The following SEPTIN9 variants were observed in gnomAD, a reference collection of about 807,000 sequenced individuals.
SEPTIN9 encodes the protein septin-9.
A neutral mutation model predicts 56.6 loss-of-function variants in SEPTIN9; 13 were observed. The ratio of observed to expected loss-of-function variants is 0.23; its 90% confidence interval spans 0.15 to 0.37. SEPTIN9 has a LOEUF of 0.37. SEPTIN9 is among the 10% of genes least tolerant of loss of function. SEPTIN9 has a pLI of 1.00. For synonymous variants in SEPTIN9, 332 were observed against 334.1 expected (o/e 0.99, Z 0.07); for missense variants, 650 against 823.1 (o/e 0.79, Z 2.57).
intron 3 of SEPTIN9, among the ~76,000 whole-genome samples, chr17:77,460,625 C>T (rs1013241086): frequency 2.0e-5 from 3 of 152,118 alleles, no homozygotes; most frequent in East Asian, 1.9e-4. Context: ...CCCAGGAAAC[C>T]GCGGGGGCCA....
intron 2 of SEPTIN9, among the ~76,000 whole-genome samples, chr17:77,331,430 T>C (rs2033350484): frequency 6.6e-6 from 1 of 151,122 alleles, no homozygotes; most frequent in Non-Finnish European, 1.5e-5. Context: ...GGACTGGATG[T>C]TGAGGTGTGG....
Position 77,498,526 on chromosome 17 carries a change from G to A in SEPTIN9, c.1629G>A (p.Thr543=), listed in dbSNP as rs373382274. ...CGCCCGCCCCCCACCCCCACAGGAC[G>A]CACATGCAGAACATCAAGGACATCA... ...FAYLRDLLIR[T]HMQNIKDITS... is the part of the protein sequence containing the mutation. Residue 543 remains threonine (T), a synonymous_variant, in exon 12 of 12, where the codon ACG becomes ACA. Transcript: ENST00000427177. 23 of 1,442,938 alleles carry A rather than the reference G, an allele frequency of 1.6e-5. No individual in the cohort carries two copies. The African/African-American group carries it at 2.6e-4, about 16-fold the overall frequency. 89.4% of individuals were successfully genotyped at this position (1,442,938 alleles called of 1,614,324 possible). A position where few individuals can be genotyped will look rare whatever the true frequency, so the allele number is the denominator to read the frequency against.
chr17:77,315,737 G>A (rs528749240), intron 2 of SEPTIN9, among the ~76,000 whole-genome samples: 3 of 152,314 alleles, frequency 2.0e-5, no homozygotes, highest in African/African-American at 4.8e-5. Flanking sequence ...CTTCCTTCCC[G>A]CCCTGCCAGG....
chr17:77,361,929 G>A (rs2034432592), intron 2 of SEPTIN9, among the ~76,000 whole-genome samples: 1 of 152,260 alleles, frequency 6.6e-6, no homozygotes, highest in African/African-American at 2.4e-5. Context: ...ACCGCGCCCG[G>A]CCAAGTGGTC....
In SEPTIN9 at chr17:77,456,971, G is replaced by A. The variant is rs1264168575; in HGVS notation, c.722-25173G>A. On this transcript the variant is annotated intron_variant, in intron 3 of 11. Coordinates refer to ENST00000427177, the MANE Select transcript of SEPTIN9 (RefSeq NM_001113491.2). The surrounding 1 kb of genome is among the most constrained non-coding windows in gnomAD (Gnocchi z 6.0). ...AAGGAGGGCACGGTTGACTAAAGCT[G>A]CAGGAGCCAGCCTGGCCATCCTGAG... 6.6e-6 allele frequency among the ~76,000 whole-genome samples: 1 copy of A among 152,242 alleles called. No individual in the cohort carries two copies. Among genetic ancestry groups the A allele is most frequent in the African/African-American group, 2.4e-5 (1 of 41,458 alleles).
chr17:77,444,857 C>T, intron 3 of SEPTIN9: 1 of 304,982 alleles, frequency 3.3e-6, no homozygotes, highest in Non-Finnish European at 6.7e-6. Context: ...GTGGTGTAGA[C>T]CTACTTTGAG....
chr17:77,402,247 T>C lies in SEPTIN9; in HGVS notation c.265T>C (p.Ser89Pro), dbSNP rs768169396. ...CCTAAGCCAACGCTCCCCCAAGGCG[T>C]CCCTGCGGAGGGTGGAGCTCTCGGG... Reference protein sequence around the residue: ...DSLSQRSPKASLRRVELSGPK... With the variant: ...DSLSQRSPKAPLRRVELSGPK... Residue 89 changes from serine to proline, a missense_variant, in exon 3 of 12, where the codon TCC becomes CCC. This residue lies in a region of SEPTIN9 where 317 missense variants were observed against 329.1 expected (regional missense o/e 0.96). Transcript: ENST00000427177. The surrounding 1 kb of genome is among the most constrained non-coding windows in gnomAD (Gnocchi z 6.6). 1 of 1,613,110 alleles carries C rather than the reference T, an allele frequency of 6.2e-7. No homozygotes were observed. The highest frequency in any genetic ancestry group is 1.1e-5 in the South Asian group (1 of 91,076).
Position 77,445,383 on chromosome 17 carries a change from G to C in SEPTIN9, c.722-36761G>C, listed in dbSNP as rs1050889875. On this transcript the variant is annotated intron_variant, in intron 3 of 11. Transcript: ENST00000427177. The surrounding 1 kb of genome is among the most constrained non-coding windows in gnomAD (Gnocchi z 4.7). ...GGAAGCATCTGCTGCATCCCATTGG[G>C]GTGTTGCCCAGGATGGATTGGAAAA... 4.3e-6 allele frequency: 2 copies of C among 466,832 alleles called. No homozygotes were observed. Among genetic ancestry groups the C allele is most frequent in the Non-Finnish European group, 8.8e-6 (2 of 227,038 alleles). 28.9% of individuals were successfully genotyped at this position (466,832 alleles called of 1,614,324 possible).
At chr17:77,311,761 G>A (rs960482553) in intron 2 of SEPTIN9, among the ~76,000 whole-genome samples, 3 of 152,116 alleles carry the variant, frequency 2.0e-5, no homozygotes, top group Non-Finnish European at 2.9e-5. Flanking sequence ...AAAGTGTGTC[G>A]GACGAACAGG....
At chr17:77,454,023 G>A (rs1348133844) in intron 3 of SEPTIN9, 4 of 978,376 alleles carry the variant, frequency 4.1e-6, no homozygotes, top group Non-Finnish European at 4.9e-6. Flanking sequence ...CACCCCGGAT[G>A]TTTAGGGCTT....
rs149812714 is a variant in SEPTIN9, at chr17:77,282,414, G to A, written c.19+860G>A. 3.7e-3 allele frequency among the ~76,000 whole-genome samples: 561 copies of A among 152,004 alleles called. 2 individuals are homozygous for A. Among genetic ancestry groups the A allele is most frequent in the African/African-American group, 0.013 (536 of 41,452 alleles). On this transcript the variant is annotated intron_variant, in intron 1 of 11. Transcript: ENST00000427177. ...CCTCTTCTAAATCTAGAAACCGTTTGTTTAATGTCCCTCCTTTAATTCATT... is the reference window on the plus strand; with the variant it reads ...CCTCTTCTAAATCTAGAAACCGTTTATTTAATGTCCCTCCTTTAATTCATT...
chr17:77,467,769 C>T (rs1023692372), intron 3 of SEPTIN9, among the ~76,000 whole-genome samples: 1 of 152,174 alleles, frequency 6.6e-6, no homozygotes, highest in East Asian at 1.9e-4. Flanking sequence ...GCGGTGTTAC[C>T]GGGGTAGACG....
Position 77,437,986 on chromosome 17 carries a change from C to T in SEPTIN9, c.721+35283C>T, listed in dbSNP as rs763396278. The stretch of plus-strand genomic sequence containing the variant: ...GAAGGCGGCATCATCCGGGCCTCTC[C>T]GGTGGCCATGCATGGGTGAGCAGCC... On this transcript the variant is annotated intron_variant, in intron 3 of 11. Transcript: ENST00000427177. This position sits in a 1 kb window ranked among gnomAD's most constrained non-coding sequence, Gnocchi z 5.3. 1.1e-4 allele frequency among the ~76,000 whole-genome samples: 16 copies of T among 152,190 alleles called. No individual in the cohort carries two copies. Among genetic ancestry groups the T allele is most frequent in the East Asian group, 1.9e-4 (1 of 5,182 alleles).
At chr17:77,470,339 TA>T (rs2038936261) in intron 3 of SEPTIN9, among the ~76,000 whole-genome samples, 1 of 124,802 alleles carries the variant, frequency 8.0e-6, no homozygotes, top group Admixed American at 7.8e-5. Flanking sequence ...TCCTCTCATC[TA>T]TCCATCCACT....
chr17:77,420,574 G>T (rs576054395), intron 3 of SEPTIN9, among the ~76,000 whole-genome samples: 23 of 152,274 alleles, frequency 1.5e-4, no homozygotes, highest in African/African-American at 5.1e-4. Context: ...TCAGTGGGGA[G>T]AGCCTGAGCT....
At chr17:77,346,523 T>C (rs1376009113) in intron 2 of SEPTIN9, among the ~76,000 whole-genome samples, 4 of 152,082 alleles carry the variant, frequency 2.6e-5, no homozygotes, top group Non-Finnish European at 4.4e-5. Context: ...TGATTTCTAA[T>C]TTAATCTTAC....
intron 2 of SEPTIN9, among the ~76,000 whole-genome samples, chr17:77,378,339 G>A (rs1029574232): frequency 6.6e-6 from 1 of 152,170 alleles, no homozygotes; most frequent in African/African-American, 2.4e-5. Flanking sequence ...GGAAAGCTGG[G>A]CGGCTTCGGT....
intron 3 of SEPTIN9, among the ~76,000 whole-genome samples, chr17:77,478,351 C>T (rs1030484610): frequency 2.6e-5 from 4 of 152,288 alleles, no homozygotes; most frequent in South Asian, 2.1e-4. Flanking sequence ...CTAGAACCAC[C>T]GTAGCATCCC....
chr17:77,406,339 T>G (rs1236188689), intron 3 of SEPTIN9, among the ~76,000 whole-genome samples: 2 of 152,160 alleles, frequency 1.3e-5, no homozygotes, highest in East Asian at 3.8e-4. Context: ...TCTCTTTACA[T>G]CACTGCCTTG....
Sources: gnomAD v4.1 joint callset for allele counts (sites outside exome capture counted in the v4.1 genomes callset) on GRCh38, gnomAD v4.1.1 for gene constraint, gnomAD v4.1.1 regional missense constraint, Gnocchi (gnomAD v3.1) non-coding constraint, MANE v1.5 for transcripts, NCBI Gene and HGNC (gene_info 2026-07-23, HGNC 2026-07-21) for gene names.